ANKS1B: variants seen among roughly 807,000 people sequenced by gnomAD.
ANKS1B encodes the protein ankyrin repeat and sterile alpha motif domain containing 1B.
ANKS1B carries 36 observed loss-of-function variants against 148.3 expected under a neutral mutation model. The ratio of observed to expected loss-of-function variants is 0.24; its 90% CI spans 0.19 to 0.32. The LOEUF (loss-of-function observed/expected upper bound fraction) is 0.32, where lower values mean the gene tolerates loss of function less well. Ranked by LOEUF, ANKS1B falls within the 10% of genes least tolerant of loss-of-function variation. The probability of loss-of-function intolerance (pLI) is 1.00; values close to 1 mark genes in which losing one functional copy is unlikely to be tolerated. For synonymous variants in ANKS1B, 542 were observed against 560.8 expected (o/e 0.97, Z 0.47); for missense variants, 1,157 against 1,542.6 (o/e 0.75, Z 4.19).
chr12:99,126,470 T>C (rs2064376582), intron 15 of ANKS1B, among the ~76,000 whole-genome samples: 1 of 152,146 alleles, frequency 6.6e-6, no homozygotes, highest in Admixed American at 6.6e-5. Context: ...AAATATTCAT[T>C]TCTTTCATAT....
intron 17 of ANKS1B, among the ~76,000 whole-genome samples, chr12:99,046,807 TA>T (rs1265969829): frequency 7.4e-5 from 6 of 80,578 alleles, no homozygotes; most frequent in South Asian, 7.4e-4. Context: ...GACTCTGTCT[TA>T]AAAAAAAAGA....
intron 17 of ANKS1B, among the ~76,000 whole-genome samples, chr12:98,875,200 G>T (rs1388214951): frequency 6.6e-6 from 1 of 152,134 alleles, no homozygotes; most frequent in East Asian, 1.9e-4. Context: ...TTGTTCCATA[G>T]ATGCTAATTT....
At chr12:99,616,857 C>A (rs2097970176) in intron 9 of ANKS1B, among the ~76,000 whole-genome samples, 1 of 151,986 alleles carries the variant, frequency 6.6e-6, no homozygotes, top group South Asian at 2.1e-4. Flanking sequence ...AACAGGCAAC[C>A]TACAGAATGA....
intron 9 of ANKS1B, among the ~76,000 whole-genome samples, chr12:99,510,787 A>G (rs961482311): frequency 6.6e-6 from 1 of 152,024 alleles, no homozygotes; most frequent in Non-Finnish European, 1.5e-5. Flanking sequence ...TTTGCATGCT[A>G]CAAAGAAATC....
intron 22 of ANKS1B, 71 bp from the exon 23 acceptor site, chr12:98,782,208 G>T: frequency 7.8e-7 from 1 of 1,283,898 alleles, no homozygotes; most frequent in South Asian, 1.3e-5. Flanking sequence ...TGAGAGAGAG[G>T]AAACCATTTC....
chr12:99,791,379 A>T (rs2153644810), intron 4 of ANKS1B, among the ~76,000 whole-genome samples: 1 of 152,162 alleles, frequency 6.6e-6, no homozygotes, highest in East Asian at 1.9e-4. Flanking sequence ...CCAGACAGAA[A>T]ATCAACAGAT....
chr12:99,212,062 A>C (rs1022018264), intron 14 of ANKS1B, among the ~76,000 whole-genome samples: 6 of 152,150 alleles, frequency 3.9e-5, no homozygotes, highest in Non-Finnish European at 7.3e-5. Context: ...GAAAAGGAAA[A>C]AAGTCCATTC....
downstream of ANKS1B, among the ~76,000 whole-genome samples, chr12:98,739,828 C>T (rs539317549): frequency 3.3e-5 from 5 of 152,150 alleles, no homozygotes; most frequent in African/African-American, 1.2e-4. Flanking sequence ...AGTTACAAAC[C>T]CCCATTCCTG....
chr12:99,167,878 G>T lies in ANKS1B; in HGVS notation c.2420-13483C>A, dbSNP rs12316460. Among the ~76,000 whole-genome samples the T allele has an allele frequency of 3.1e-3, 469 of 152,276 alleles. 4 individuals carry two copies. Among genetic ancestry groups the T allele is most frequent in the African/African-American group, 0.01 (433 of 41,556 alleles). ...ATATTACTCAGCAATAAAAAGGAAT[G>T]GATAGTTCATACACACAAGACATGG... On this transcript the variant is annotated intron_variant, in intron 14 of 26. Coordinates refer to ENST00000683438, the MANE Select transcript of ANKS1B (RefSeq NM_001352186.2).
At chr12:98,949,379 G>A (rs1009780253) in intron 17 of ANKS1B, among the ~76,000 whole-genome samples, 1 of 152,114 alleles carries the variant, frequency 6.6e-6, no homozygotes, top group Non-Finnish European at 1.5e-5. Flanking sequence ...GAGCAAAACT[G>A]GACCTAGTTA....
At chr12:99,550,157 GCTCT>G (rs2097205110) in intron 9 of ANKS1B, among the ~76,000 whole-genome samples, 1 of 152,114 alleles carries the variant, frequency 6.6e-6, no homozygotes, top group South Asian at 2.1e-4. Flanking sequence ...TATCTTGAGT[GCTCT>G]CTATCTTGAG....
In ANKS1B at chr12:98,829,134, A is replaced by G. The variant is rs1164374611; in HGVS notation, c.3066+40T>C. 6.2e-7 allele frequency: 1 copy of G among 1,612,114 alleles called. No individual in the cohort carries two copies. The highest frequency in any genetic ancestry group is 1.7e-4 in the Middle Eastern group (1 of 6,048). ...GTTCACTATTAAAAGGCATTACCTG[A>G]TATGGTTGAAAAATATCACAAAGGC... On this transcript the variant is annotated intron_variant, in intron 19 of 26. Coordinates refer to ENST00000683438, the MANE Select transcript of ANKS1B (RefSeq NM_001352186.2). The surrounding 1 kb of genome is among the most constrained non-coding windows in gnomAD (Gnocchi z 5.2).
chr12:99,853,421 C>T (rs2088347766), intron 1 of ANKS1B, among the ~76,000 whole-genome samples: 1 of 152,166 alleles, frequency 6.6e-6, no homozygotes, highest in South Asian at 2.1e-4. Flanking sequence ...TCTTCGTAGA[C>T]ACTCCCCAGT....
chr12:99,116,496 C>A (rs1252163085), intron 15 of ANKS1B, among the ~76,000 whole-genome samples: 1 of 152,122 alleles, frequency 6.6e-6, no homozygotes, highest in East Asian at 1.9e-4. Flanking sequence ...AGTAACTAAT[C>A]AGTAAAATTT....
At chr12:99,645,712 T>A (rs1053207998) in intron 9 of ANKS1B, among the ~76,000 whole-genome samples, 2 of 152,226 alleles carry the variant, frequency 1.3e-5, no homozygotes, top group Non-Finnish European at 2.9e-5. Context: ...TTTATTTAGC[T>A]ATCTGAGCTT....
chr12:99,001,880 A>G (rs1248552093), intron 17 of ANKS1B, among the ~76,000 whole-genome samples: 1 of 152,222 alleles, frequency 6.6e-6, no homozygotes, highest in Non-Finnish European at 1.5e-5. Flanking sequence ...TAGATTTCAC[A>G]TATAAGTAGA....
intron 25 of ANKS1B, among the ~76,000 whole-genome samples, chr12:98,772,163 C>T (rs948287404): frequency 2.0e-5 from 3 of 152,210 alleles, no homozygotes; most frequent in Admixed American, 2.0e-4. Flanking sequence ...ATGAGTGGAA[C>T]TGTGACCCAC....
intron 8 of ANKS1B, among the ~76,000 whole-genome samples, chr12:99,698,467 A>C (rs2153516206): frequency 6.6e-6 from 1 of 152,244 alleles, no homozygotes; most frequent in East Asian, 1.9e-4. Flanking sequence ...TTACACTGAC[A>C]CTATTGGGAA....
intron 12 of ANKS1B, among the ~76,000 whole-genome samples, chr12:99,386,969 G>T (rs1297758751): frequency 6.6e-6 from 1 of 152,174 alleles, no homozygotes; most frequent in African/African-American, 2.4e-5. Flanking sequence ...TCAATAATTT[G>T]CCATTTATTG....
Sources: gnomAD v4.1 joint callset for allele counts (sites outside exome capture counted in the v4.1 genomes callset) on GRCh38, gnomAD v4.1.1 for gene constraint, Gnocchi (gnomAD v3.1) non-coding constraint, MANE v1.5 for transcripts, NCBI Gene and HGNC (gene_info 2026-07-23, HGNC 2026-07-21) for gene names.